HSPA4: variants seen among roughly 807,000 people sequenced by gnomAD.
The protein encoded by HSPA4 is heat shock 70 kDa protein 4.
Under a neutral mutation model 106.2 loss-of-function variants are expected in HSPA4, and 25 were observed. That is an observed-to-expected ratio of 0.24 (90% CI 0.17 to 0.33). HSPA4 has a LOEUF of 0.33. HSPA4 is among the 10% of genes least tolerant of loss of function. HSPA4 has a pLI of 1.00. For synonymous variants in HSPA4, 332 were observed against 333.6 expected (o/e 1.00, Z 0.05); for missense variants, 841 against 996.0 (o/e 0.84, Z 2.10).
chr5:133,066,327 C>T (rs1765304989), intron 2 of HSPA4, among the ~76,000 whole-genome samples: 1 of 152,156 alleles, frequency 6.6e-6, no homozygotes, highest in African/African-American at 2.4e-5. Flanking sequence ...ACTACATCTC[C>T]TGCATTGGGA....
At position 133,104,975 on chromosome 5, in the gene HSPA4, C is replaced by T. The variant is rs1259878686; in HGVS notation, c.*539C>T. Reference sequence around the variant, plus strand: ...TCTTCATATTTCACCTTCACCCTCACCTGTGTTCTCTTCCCTCTCTCCCAA... The same window carrying T: ...TCTTCATATTTCACCTTCACCCTCATCTGTGTTCTCTTCCCTCTCTCCCAA... On this transcript the variant is annotated 3_prime_UTR_variant, in exon 19 of 19. Coordinates refer to ENST00000304858, the MANE Select transcript of HSPA4 (RefSeq NM_002154.4). 6.5e-6 allele frequency: 1 copy of T among 153,166 alleles called. No homozygotes were observed. Among genetic ancestry groups the T allele is most frequent in the Non-Finnish European group, 1.5e-5 (1 of 68,794 alleles). 9.5% of individuals were successfully genotyped at this position (153,166 alleles called of 1,614,324 possible).
chr5:133,092,552 A>G, intron 12 of HSPA4, 148 bp from the exon 13 acceptor site: 1 of 648,196 alleles, frequency 1.5e-6, no homozygotes, highest in Non-Finnish European at 2.8e-6. Flanking sequence ...TCTGTGTCCT[A>G]GGTAATGTGG....
chr5:133,089,715 T>TAA lies in HSPA4; in HGVS notation c.1378+20_1378+21insAA. ...CTATAGGTAAGTAAAGAGTTGGAAA[T>TAA]TAAAAAAGAAAAAAAAAAAAAAGCA... On this transcript the variant is annotated intron_variant, in intron 11 of 18. Coordinates refer to ENST00000304858, the MANE Select transcript of HSPA4 (RefSeq NM_002154.4). 1 of 1,471,896 alleles carries TAA rather than the reference T, an allele frequency of 6.8e-7. No individual in the cohort carries two copies. The highest frequency in any genetic ancestry group is 1.6e-5 in the African/African-American group (1 of 64,008). 91.2% of individuals were successfully genotyped at this position (1,471,896 alleles called of 1,614,324 possible).
rs548130305 is a variant in HSPA4, at chr5:133,065,143, A to T, written c.165+106A>T. 35 of 888,896 alleles carry T rather than the reference A, an allele frequency of 3.9e-5. No homozygotes were observed. The African/African-American group carries it at 5.6e-4, about 14-fold the overall frequency. The allele number at this position is 888,896 out of a possible 1,614,324, so 55.1% of individuals were successfully genotyped here. ...GTGCCTAACACTGGTAGGCCTTGGG[A>T]ATACAACTGGCAGATACAGACCTCT... On this transcript the variant is annotated intron_variant, in intron 2 of 18. Coordinates refer to ENST00000304858, the MANE Select transcript of HSPA4 (RefSeq NM_002154.4).
At position 133,068,725 on chromosome 5, in the gene HSPA4, AAAG is replaced by A. The variant is rs1186058898; in HGVS notation, c.306+1169_306+1171del. 2.0e-5 allele frequency among the ~76,000 whole-genome samples: 3 copies of A among 152,322 alleles called. No individual in the cohort carries two copies. The East Asian group carries it at 5.8e-4, about 29-fold the overall frequency. On this transcript the variant is annotated intron_variant, in intron 3 of 18. Coordinates refer to ENST00000304858, the MANE Select transcript of HSPA4 (RefSeq NM_002154.4). Reference sequence around the variant, plus strand: ...AGCACAGGAGAGAGAAAGGGGTTAAAAAGGGAGGTGAAGAAATGTGCAATACTT... The same window carrying A: ...AGCACAGGAGAGAGAAAGGGGTTAAAGGAGGTGAAGAAATGTGCAATACTT...
chr5:133,094,281 A>G (rs751656597), intron 13 of HSPA4, among the ~76,000 whole-genome samples: 16 of 152,156 alleles, frequency 1.1e-4, no homozygotes, highest in Non-Finnish European at 1.5e-4. Context: ...ACAATGTATA[A>G]TCTCACCATC....
chr5:133,069,084 C>T (rs1013682554), intron 3 of HSPA4, among the ~76,000 whole-genome samples: 5 of 152,146 alleles, frequency 3.3e-5, no homozygotes, highest in Admixed American at 2.6e-4. Flanking sequence ...AAGAGAGCAA[C>T]ATGTTCTATT....
chr5:133,084,016 T>C (rs1765548258), intron 7 of HSPA4, among the ~76,000 whole-genome samples: 1 of 152,216 alleles, frequency 6.6e-6, no homozygotes, highest in African/African-American at 2.4e-5. Context: ...TTTTAAGTGC[T>C]CATTTGCTGA....
intron 14 of HSPA4, 36 bp downstream of exon 14, chr5:133,096,286 C>CA (rs1561586193): frequency 6.3e-7 from 1 of 1,577,848 alleles, no homozygotes; most frequent in Non-Finnish European, 8.7e-7. Flanking sequence ...AATGAGCTAA[C>CA]AAATTAATGT....
chr5:133,085,669 C>T (rs1173290868), intron 7 of HSPA4, among the ~76,000 whole-genome samples: 1 of 151,272 alleles, frequency 6.6e-6, no homozygotes, highest in Non-Finnish European at 1.5e-5. Flanking sequence ...TGAAAAAAAG[C>T]CCTGCCGCCC....
chr5:133,094,614 A>C (rs1765688586), intron 13 of HSPA4, among the ~76,000 whole-genome samples: 1 of 152,120 alleles, frequency 6.6e-6, no homozygotes, highest in Admixed American at 6.5e-5. Flanking sequence ...GTGGGTGAAG[A>C]GAAGGGAGAA....
chr5:133,102,089 G>T (rs1161635670), intron 17 of HSPA4, among the ~76,000 whole-genome samples: 1 of 151,960 alleles, frequency 6.6e-6, no homozygotes, highest in Non-Finnish European at 1.5e-5. Flanking sequence ...ACCACGCCCA[G>T]CTTATTTTTG....
chr5:133,070,118 G>C (rs1304128455), intron 3 of HSPA4, among the ~76,000 whole-genome samples: 1 of 152,084 alleles, frequency 6.6e-6, no homozygotes, highest in East Asian at 1.9e-4. Flanking sequence ...AGTGAGCTGT[G>C]ATCATGCCAC....
At chr5:133,057,234 T>C (rs2126692007) in intron 1 of HSPA4, among the ~76,000 whole-genome samples, 1 of 152,372 alleles carries the variant, frequency 6.6e-6, no homozygotes, top group Non-Finnish European at 1.5e-5. Flanking sequence ...ATTCTAGTTT[T>C]GCCTATCAGT....
chr5:133,057,936 T>G (rs1765188246), intron 1 of HSPA4, among the ~76,000 whole-genome samples: 1 of 152,228 alleles, frequency 6.6e-6, no homozygotes, highest in African/African-American at 2.4e-5. Flanking sequence ...AGTCCAATTA[T>G]GGACAAGGCT....
At chr5:133,064,181 T>G (rs1765280021) in intron 1 of HSPA4, among the ~76,000 whole-genome samples, 1 of 152,230 alleles carries the variant, frequency 6.6e-6, no homozygotes, top group African/African-American at 2.4e-5. Flanking sequence ...AGAAGAATGT[T>G]CAGAAGTGGG....
intron 18 of HSPA4, 80 bp downstream of exon 18, chr5:133,104,106 CTTTATTA>C (rs1338386606): frequency 7.0e-7 from 1 of 1,424,988 alleles, no homozygotes; most frequent in Admixed American, 1.9e-5. Flanking sequence ...TAGGAGGGAA[CTTTATTA>C]TAGTGTTTTA....
intron 13 of HSPA4, among the ~76,000 whole-genome samples, chr5:133,093,746 A>G (rs937676464): frequency 3.3e-5 from 5 of 151,964 alleles, no homozygotes; most frequent in African/African-American, 1.2e-4. Flanking sequence ...CCACTTCAGC[A>G]CCCTGGGATT....
intron 18 of HSPA4, 101 bp from the exon 19 acceptor site, chr5:133,104,132 G>A (rs372192697): frequency 9.9e-6 from 14 of 1,420,336 alleles, no homozygotes; most frequent in East Asian, 9.2e-5. Context: ...TAGCTTCTAG[G>A]TTGAGGATTG....
Sources: allele counts gnomAD v4.1 joint callset (sites outside exome capture counted in the v4.1 genomes callset), GRCh38; gene constraint gnomAD v4.1.1; transcripts MANE v1.5; gene names NCBI Gene and HGNC (gene_info 2026-07-23, HGNC 2026-07-21).